The following TRAPPC8 variants were observed in gnomAD, a reference collection of about 807,000 sequenced individuals.
TRAPPC8 encodes trafficking protein particle complex subunit 8, also known as general sporulation gene 1 homolog.
In TRAPPC8, 54 loss-of-function variants were observed where a neutral mutation model predicts 174.3. The ratio of observed to expected loss-of-function variants is 0.31; its 90% CI spans 0.25 to 0.39. The LOEUF (loss-of-function observed/expected upper bound fraction) is 0.39. Among genes scored for constraint, TRAPPC8 ranks in the 10% least tolerant of loss-of-function variants. TRAPPC8 has a pLI of 1.00. For synonymous variants in TRAPPC8, 630 were observed against 579.9 expected (o/e 1.09, Z -1.24); for missense variants, 1,531 against 1,699.1 (o/e 0.90, Z 1.74).
Position 31,839,419 on chromosome 18 carries a change from T to C in TRAPPC8, c.3876A>G (p.Pro1292=), listed in dbSNP as rs149708037. The C allele has an allele frequency of 4.3e-3, 6,844 of 1,605,674 alleles. 17 individuals are homozygous for C. Among genetic ancestry groups the C allele is most frequent in the Non-Finnish European group, 5.2e-3 (6,176 of 1,177,170 alleles). The change falls in exon 27 of 29, where the codon CCA becomes CCG. Residue 1292 remains proline (P), a synonymous_variant. Transcript: ENST00000283351. ...PEMELLKFFR[P]ENITVSSRPS... is the part of the protein sequence containing the mutation. ...GCCTTGAGGAAACTGTAATGTTTTC[T>C]GGCCTGAAAAATTTCAATAGTTCCA...
chr18:31,884,357 A>G (rs2035599560), intron 12 of TRAPPC8, among the ~76,000 whole-genome samples: 2 of 152,230 alleles, frequency 1.3e-5, no homozygotes, highest in African/African-American at 4.8e-5. Flanking sequence ...TGGAAATACC[A>G]GCGTGTGCTA....
intron 19 of TRAPPC8, among the ~76,000 whole-genome samples, chr18:31,858,711 A>C (rs1283291844): frequency 1.3e-5 from 2 of 152,234 alleles, no homozygotes; most frequent in African/African-American, 2.4e-5. Flanking sequence ...AATATTTCAG[A>C]TGAGGGATTG....
intron 19 of TRAPPC8, among the ~76,000 whole-genome samples, chr18:31,861,220 C>T (rs937574470): frequency 6.6e-6 from 1 of 152,136 alleles, no homozygotes; most frequent in East Asian, 1.9e-4. Flanking sequence ...TTGTTTTTCA[C>T]TTTACAAGCT....
At chr18:31,853,412 C>T (rs1043660832) in intron 22 of TRAPPC8, among the ~76,000 whole-genome samples, 5 of 152,084 alleles carry the variant, frequency 3.3e-5, no homozygotes, top group Non-Finnish European at 5.9e-5. Context: ...GGATTACAGG[C>T]GCCTGCCACC....
intron 4 of TRAPPC8, among the ~76,000 whole-genome samples, chr18:31,914,186 A>G (rs1041387094): frequency 2.0e-5 from 3 of 151,946 alleles, no homozygotes; most frequent in African/African-American, 7.2e-5. Flanking sequence ...ACAACCTGGA[A>G]AACTAACCAC....
chr18:31,889,957 G>C (rs1391893128), intron 12 of TRAPPC8, among the ~76,000 whole-genome samples: 1 of 152,108 alleles, frequency 6.6e-6, no homozygotes, highest in Admixed American at 6.6e-5. Context: ...GATGTTCATA[G>C]TTACATTTCA....
intron 27 of TRAPPC8, 53 bp downstream of exon 27, chr18:31,839,259 T>C: frequency 6.5e-7 from 1 of 1,533,234 alleles, no homozygotes; most frequent in Non-Finnish European, 8.8e-7. Context: ...AAGAAACAAA[T>C]ACACGTGCCA....
chr18:31,921,268 A>C (rs2037376001), intron 2 of TRAPPC8, among the ~76,000 whole-genome samples: 1 of 152,202 alleles, frequency 6.6e-6, no homozygotes, highest in African/African-American at 2.4e-5. Flanking sequence ...ACAAGAGAGA[A>C]GAGAAAGAAG....
intron 28 of TRAPPC8, among the ~76,000 whole-genome samples, 180 bp downstream of exon 28, chr18:31,831,903 GA>G (rs566018368): frequency 1.3e-3 from 195 of 150,576 alleles, no homozygotes; most frequent in Non-Finnish European, 2.3e-3. Context: ...TTATAATCAA[GA>G]AAAAAAAATC....
intron 9 of TRAPPC8, 132 bp downstream of exon 9, chr18:31,907,328 T>C: frequency 1.2e-6 from 1 of 836,892 alleles, no homozygotes; most frequent in Non-Finnish European, 1.7e-6. Flanking sequence ...ATTAAGGAAT[T>C]AACAATCTGT....
At chr18:31,919,584 ATAAATAAAAT>A (rs751377555) in intron 2 of TRAPPC8, among the ~76,000 whole-genome samples, 1,002 of 77,178 alleles carry the variant, frequency 0.013, 14 homozygotes, top group Non-Finnish European at 0.022. Context: ...AAATAAATAA[ATAAATAAAAT>A]AATAATAATC....
At chr18:31,929,308 C>T (rs1045684527) in intron 2 of TRAPPC8, among the ~76,000 whole-genome samples, 1 of 152,080 alleles carries the variant, frequency 6.6e-6, no homozygotes, top group African/African-American at 2.4e-5. Context: ...AATCTCAACA[C>T]TTTGAGAGGC....
chr18:31,861,438 A>G (rs1465305241), intron 19 of TRAPPC8, among the ~76,000 whole-genome samples: 1 of 152,216 alleles, frequency 6.6e-6, no homozygotes, highest in Non-Finnish European at 1.5e-5. Context: ...AAAATCCAAG[A>G]AGATATCTGG....
intron 12 of TRAPPC8, among the ~76,000 whole-genome samples, chr18:31,876,124 T>G (rs1164417265): frequency 2.6e-5 from 4 of 152,124 alleles, no homozygotes; most frequent in African/African-American, 4.8e-5. Context: ...ATGTATGAAA[T>G]TATCACGTAT....
At position 31,867,392 on chromosome 18, in the gene TRAPPC8, A is replaced by C. The variant is rs1460803528; in HGVS notation, c.2463+10T>G. The C allele has an allele frequency of 1.9e-6, 3 of 1,580,706 alleles. No individual in the cohort carries two copies. In the African/African-American group the frequency reaches 4.1e-5, roughly 21 times the overall value. On this transcript the variant is annotated intron_variant, in intron 17 of 28. Transcript: ENST00000283351. Reference sequence around the variant, plus strand: ...AAAGGCATAAAGCAGAGAAATGATAAAATAATTACCACTTTTGATTCTTCG... The same window carrying C: ...AAAGGCATAAAGCAGAGAAATGATACAATAATTACCACTTTTGATTCTTCG...
intron 2 of TRAPPC8, among the ~76,000 whole-genome samples, chr18:31,924,763 A>G (rs2037543073): frequency 6.9e-6 from 1 of 145,354 alleles, no homozygotes; most frequent in Non-Finnish European, 1.5e-5. Flanking sequence ...AAAAAAAAAA[A>G]TCCGCCTGAA....
chr18:31,934,866 T>G (rs2038012341), intron 1 of TRAPPC8, among the ~76,000 whole-genome samples: 1 of 150,698 alleles, frequency 6.6e-6, no homozygotes, highest in South Asian at 2.1e-4. Flanking sequence ...GAGATCACAC[T>G]ACTGCACTCC....
chr18:31,863,117 TACAA>T (rs2034417907), intron 19 of TRAPPC8, among the ~76,000 whole-genome samples: 1 of 148,448 alleles, frequency 6.7e-6, no homozygotes, highest in East Asian at 2.0e-4. Flanking sequence ...AAAAAAATCA[TACAA>T]ACAAAAAACA....
chr18:31,883,224 GAA>G (rs397858732), intron 12 of TRAPPC8: 31 of 96,698 alleles, frequency 3.2e-4, no homozygotes, highest in Admixed American at 3.5e-4. Context: ...CTTCATCTCA[GAA>G]AAAAAAAAAA....
Sources: allele counts gnomAD v4.1 joint callset (sites outside exome capture counted in the v4.1 genomes callset), GRCh38; gene constraint gnomAD v4.1.1; transcripts MANE v1.5; gene names NCBI Gene and HGNC (gene_info 2026-07-23, HGNC 2026-07-21).